Variants in ZNF804B observed in about 807,000 individuals in gnomAD.
ZNF804B encodes zinc finger protein 804B, also known as zinc finger 804B.
A neutral mutation model predicts 101.4 loss-of-function variants in ZNF804B; 80 were observed. The ratio of observed to expected loss-of-function variants is 0.79; its 90% CI spans 0.66 to 0.95. The LOEUF (loss-of-function observed/expected upper bound fraction) is 0.95. ZNF804B is among the 40% of genes least tolerant of loss of function. The probability of loss-of-function intolerance (pLI) is 0.00; values close to 1 mark genes in which losing one functional copy is unlikely to be tolerated. For synonymous variants in ZNF804B, 622 were observed against 558.8 expected (o/e 1.11, Z -1.59); for missense variants, 1,673 against 1,561.9 (o/e 1.07, Z -1.20).
intron 1 of ZNF804B, among the ~76,000 whole-genome samples, chr7:89,125,659 T>A (rs1448514814): frequency 6.6e-6 from 1 of 152,054 alleles, no homozygotes; most frequent in Non-Finnish European, 1.5e-5. Flanking sequence ...GTTTTTATTA[T>A]TTCCAATGTA....
At chr7:88,785,878 G>C (rs1042444292) in intron 1 of ZNF804B, among the ~76,000 whole-genome samples, 1 of 152,042 alleles carries the variant, frequency 6.6e-6, no homozygotes, top group Non-Finnish European at 1.5e-5. Context: ...CTGTGTCTTT[G>C]TTCTCTTAGA....
intron 1 of ZNF804B, among the ~76,000 whole-genome samples, chr7:89,047,287 T>C (rs559549903): frequency 6.6e-6 from 1 of 152,320 alleles, no homozygotes; most frequent in South Asian, 2.1e-4. Flanking sequence ...ATTATTAACA[T>C]TGGATATTAA....
intron 1 of ZNF804B, among the ~76,000 whole-genome samples, chr7:89,141,330 C>T (rs778270035): frequency 3.9e-5 from 6 of 152,062 alleles, no homozygotes; most frequent in Non-Finnish European, 5.9e-5. Context: ...CCTTGGTCAA[C>T]ACAGGATTGC....
intron 1 of ZNF804B, among the ~76,000 whole-genome samples, chr7:88,854,414 C>CTTTCTTTCTTCCTTCCTTTCTTT (rs1791502231): frequency 9.8e-4 from 56 of 57,110 alleles, no homozygotes; most frequent in Non-Finnish European, 1.6e-3. Flanking sequence ...TTTCTTTCTT[C>CTTTCTTTCTTCCTTCCTTTCTTT]CTTTCTTTCT....
Position 89,206,269 on chromosome 7 carries a change from A to AT in ZNF804B, c.109-11885dup, listed in dbSNP as rs199546919. 3.2e-3 allele frequency among the ~76,000 whole-genome samples: 478 copies of AT among 149,138 alleles called. 2 individuals are homozygous for AT. Among genetic ancestry groups the AT allele is most frequent in the African/African-American group, 0.011 (448 of 40,564 alleles). Reference sequence around the variant, plus strand: ...GACATGCCCTGGAGAGGTTTTTCCCATGGCTTGGCGATTAACATTTTGCAT... The same window carrying AT: ...GACATGCCCTGGAGAGGTTTTTCCCATTGGCTTGGCGATTAACATTTTGCAT... On this transcript the variant is annotated intron_variant, in intron 1 of 3. Transcript: ENST00000333190.
chr7:89,138,011 G>A lies in ZNF804B; in HGVS notation c.109-80144G>A, dbSNP rs529760877. ...CCATGGCTTCAGAGGGTGCAAGCCC[G>A]AGCCTTGGCAGCTTCTATGTGGTGT... On this transcript the variant is annotated intron_variant, in intron 1 of 3. Transcript: ENST00000333190. 1.7e-4 allele frequency among the ~76,000 whole-genome samples: 26 copies of A among 152,242 alleles called. No homozygotes were observed. In the South Asian group the frequency reaches 2.9e-3, roughly 17 times the overall value.
In ZNF804B at chr7:89,204,797, T is replaced by G. The variant is rs139303616; in HGVS notation, c.109-13358T>G. Among the ~76,000 whole-genome samples the G allele has an allele frequency of 3.6e-3, 545 of 152,312 alleles. 7 individuals carry two copies. The highest frequency in any genetic ancestry group is 0.012 in the African/African-American group (508 of 41,574). On this transcript the variant is annotated intron_variant, in intron 1 of 3. Transcript: ENST00000333190. ...TACTTTTATTTTTAGAACACTGTTC[T>G]AAAAATATAGTCTGCTAATTAGAAA... is the stretch of plus-strand genomic sequence containing the variant.
intron 1 of ZNF804B, among the ~76,000 whole-genome samples, chr7:88,861,245 T>C (rs987086478): frequency 1.3e-5 from 2 of 152,296 alleles, no homozygotes; most frequent in African/African-American, 4.8e-5. Flanking sequence ...TGGCTACCAT[T>C]TTAAGCACTA....
rs1168190739 is a variant in ZNF804B at position 89,027,625 on chromosome 7, C to A, written c.109-190530C>A. Among the ~76,000 whole-genome samples the A allele has an allele frequency of 2.0e-5, 3 of 152,148 alleles. No homozygotes were observed. In the South Asian group the frequency reaches 6.2e-4, roughly 32 times the overall value. On this transcript the variant is annotated intron_variant, in intron 1 of 3. Coordinates refer to ENST00000333190, the MANE Select transcript of ZNF804B (RefSeq NM_181646.5). Reference sequence around the variant, plus strand: ...TCATATTCTCTCGCTCTCCCTCTCTCATTATGTATAGGAAGAGAGAACCTC... The same window carrying A: ...TCATATTCTCTCGCTCTCCCTCTCTAATTATGTATAGGAAGAGAGAACCTC...
intron 1 of ZNF804B, among the ~76,000 whole-genome samples, chr7:88,867,527 A>G (rs1005093826): frequency 2.6e-5 from 4 of 152,182 alleles, no homozygotes; most frequent in African/African-American, 9.7e-5. Flanking sequence ...GCACACCCAC[A>G]TTAAGGGGGG....
chr7:89,336,755 C>T lies in ZNF804B; in HGVS notation c.3773C>T (p.Ala1258Val), dbSNP rs1278083064. Residue 1258 changes from alanine (A) to valine (V), a missense_variant, in exon 4 of 4, where the codon GCA becomes GTA. Ala to Val is a moderately conservative substitution (Grantham distance 64). Transcript: ENST00000333190. Reference protein sequence around the residue: ...FSTLTPTIIPAHPTFLAGHPL... With the variant: ...FSTLTPTIIPVHPTFLAGHPL... ...ACTCTGACTCCAACCATTATCCCTG[C>T]ACACCCCACTTTCTTAGCAGGTCAT... 3 of 1,614,032 alleles carry T rather than the reference C, an allele frequency of 1.9e-6. No homozygotes were observed. The highest frequency in any genetic ancestry group is 3.3e-5 in the Admixed American group (2 of 59,980).
chr7:89,325,252 A>T (rs1425694182), intron 2 of ZNF804B, among the ~76,000 whole-genome samples: 1 of 151,944 alleles, frequency 6.6e-6, no homozygotes, highest in Non-Finnish European at 1.5e-5. Flanking sequence ...TTGTGGCTAG[A>T]TGTCTTTAAA....
At chr7:88,925,957 G>T (rs1792790987) in intron 1 of ZNF804B, among the ~76,000 whole-genome samples, 1 of 152,112 alleles carries the variant, frequency 6.6e-6, no homozygotes, top group Non-Finnish European at 1.5e-5. Flanking sequence ...TAGAAGGCTT[G>T]GGGAAGAAAA....
At chr7:89,226,797 T>C (rs1224848425) in intron 2 of ZNF804B, among the ~76,000 whole-genome samples, 1 of 152,196 alleles carries the variant, frequency 6.6e-6, no homozygotes, top group African/African-American at 2.4e-5. Flanking sequence ...TTTATGAGTA[T>C]ATCTTCTTCC....
chr7:88,794,783 C>T, intron 1 of ZNF804B: 1 of 1,613,698 alleles, frequency 6.2e-7, no homozygotes, highest in Non-Finnish European at 8.5e-7. Context: ...TGTATCTTGG[C>T]CACTAGAAAC....
At chr7:89,062,405 T>A (rs1473088234) in intron 1 of ZNF804B, among the ~76,000 whole-genome samples, 3 of 152,114 alleles carry the variant, frequency 2.0e-5, no homozygotes. Context: ...TTGACCTGAC[T>A]TCTACCCAGC....
In ZNF804B at chr7:89,284,103, A is replaced by G. The variant is rs557702884; in HGVS notation, c.250-43241A>G. The stretch of plus-strand genomic sequence containing the variant: ...CCCATTCACAGTTGAGGTAAATGTA[A>G]ACAAACACAAAGATGCATTATTAAA... On this transcript the variant is annotated intron_variant, in intron 2 of 3. Coordinates refer to ENST00000333190, the MANE Select transcript of ZNF804B (RefSeq NM_181646.5). Among the ~76,000 whole-genome samples the G allele has an allele frequency of 3.9e-5, 6 of 152,364 alleles. 1 individual carries two copies. The highest frequency in any genetic ancestry group is 3.9e-4 in the Admixed American group (6 of 15,312).
chr7:89,159,112 A>C (rs908882168), intron 1 of ZNF804B, among the ~76,000 whole-genome samples: 1 of 152,168 alleles, frequency 6.6e-6, no homozygotes, highest in Non-Finnish European at 1.5e-5. Context: ...TTACTAAGTC[A>C]TCTCTCTATT....
intron 1 of ZNF804B, among the ~76,000 whole-genome samples, chr7:89,043,552 C>T (rs1427008590): frequency 6.6e-6 from 1 of 152,134 alleles, no homozygotes; most frequent in East Asian, 1.9e-4. Context: ...CATAATATAG[C>T]ATCAGCCATA....
Sources: allele counts gnomAD v4.1 joint callset (sites outside exome capture counted in the v4.1 genomes callset), GRCh38; gene constraint gnomAD v4.1.1; transcripts MANE v1.5; gene names NCBI Gene and HGNC (gene_info 2026-07-23, HGNC 2026-07-21).